AGBL4: variants seen among roughly 807,000 people sequenced by gnomAD.
AGBL4 encodes AGBL carboxypeptidase 4.
Under a neutral mutation model 66.4 loss-of-function variants are expected in AGBL4, and 58 were observed. The ratio of observed to expected loss-of-function variants is 0.87; its 90% CI spans 0.71 to 1.09. AGBL4 has a LOEUF of 1.09. AGBL4 is among the 50% of genes least tolerant of loss of function. AGBL4 has a pLI of 0.00. For missense variants in AGBL4, 579 were observed against 631.0 expected (o/e 0.92, Z 0.88); for synonymous variants, 234 against 222.9 (o/e 1.05, Z -0.44).
At chr1:49,042,876 T>G (rs1233889997) in intron 5 of AGBL4, among the ~76,000 whole-genome samples, 2 of 152,208 alleles carry the variant, frequency 1.3e-5, no homozygotes, top group African/African-American at 4.8e-5. Flanking sequence ...CTCTTCACAC[T>G]GCTTCCAGAC....
chr1:48,582,929 G>A (rs1016233114), intron 11 of AGBL4, among the ~76,000 whole-genome samples: 1 of 152,194 alleles, frequency 6.6e-6, no homozygotes, highest in African/African-American at 2.4e-5. Context: ...TCTGGTCTGT[G>A]GAGCGGCGGA....
chr1:49,268,208 G>C (rs1254745693), intron 3 of AGBL4: 1 of 152,062 alleles, frequency 6.6e-6, no homozygotes, highest in Non-Finnish European at 1.5e-5. Flanking sequence ...CTCACTTCAT[G>C]TTTCCCCTGC....
rs1054877786 is a variant in AGBL4 at position 49,191,288 on chromosome 1, G to C, written c.377+54482C>G. Among the ~76,000 whole-genome samples the C allele has an allele frequency of 3.9e-5, 6 of 152,094 alleles. No homozygotes were observed. The East Asian group carries it at 1.2e-3, about 29-fold the overall frequency. On this transcript the variant is annotated intron_variant, in intron 4 of 13. Coordinates refer to ENST00000371839, the MANE Select transcript of AGBL4 (RefSeq NM_032785.4). ...TTCCTCCAGATTCTCCCACCACACC[G>C]TGTACTTCTCCAATTATATCACCTA...
At chr1:49,508,304 T>A (rs1648881662) in intron 3 of AGBL4, among the ~76,000 whole-genome samples, 3 of 151,936 alleles carry the variant, frequency 2.0e-5, no homozygotes, top group African/African-American at 7.2e-5. Context: ...AAGTTCCAGA[T>A]AAATGAGAAG....
intron 12 of AGBL4, among the ~76,000 whole-genome samples, chr1:48,535,124 G>C (rs1456611856): frequency 6.6e-6 from 1 of 152,096 alleles, no homozygotes; most frequent in Non-Finnish European, 1.5e-5. Context: ...AGTGGCAAGG[G>C]GATAAGTTGT....
chr1:49,731,416 ATGT>A (rs1649439487), intron 2 of AGBL4, among the ~76,000 whole-genome samples: 2 of 152,216 alleles, frequency 1.3e-5, no homozygotes, highest in Non-Finnish European at 2.9e-5. Flanking sequence ...TTATTTATTT[ATGT>A]TGTTAGTTTA....
At chr1:48,841,275 A>T (rs1388742031) in intron 6 of AGBL4, among the ~76,000 whole-genome samples, 1 of 152,108 alleles carries the variant, frequency 6.6e-6, no homozygotes, top group Admixed American at 6.6e-5. Context: ...ATAAAAAATG[A>T]CATAAAATAA....
intron 2 of AGBL4, among the ~76,000 whole-genome samples, chr1:49,778,304 A>C (rs1382207930): frequency 6.6e-6 from 1 of 152,176 alleles, no homozygotes; most frequent in Admixed American, 6.5e-5. Flanking sequence ...GGTGTCACAC[A>C]GGCCACTCTC....
At chr1:49,405,047 C>T (rs566459005) in intron 3 of AGBL4, among the ~76,000 whole-genome samples, 192 of 152,164 alleles carry the variant, frequency 1.3e-3, no homozygotes, top group Non-Finnish European at 2.3e-3. Context: ...GAATGCTCAA[C>T]TTCCCTTTTG....
chr1:49,940,248 T>C (rs1443837198), intron 1 of AGBL4, among the ~76,000 whole-genome samples: 1 of 152,234 alleles, frequency 6.6e-6, no homozygotes, highest in Non-Finnish European at 1.5e-5. Flanking sequence ...TTTTACACTG[T>C]TGGTGGGACT....
At chr1:49,275,303 C>T (rs1644146166) in intron 3 of AGBL4, among the ~76,000 whole-genome samples, 5 of 152,042 alleles carry the variant, frequency 3.3e-5, no homozygotes, top group Admixed American at 3.3e-4. Flanking sequence ...TTCTGACAGG[C>T]CCATGCACCC....
At chr1:48,936,446 C>T (rs1043797529) in intron 5 of AGBL4, among the ~76,000 whole-genome samples, 1 of 152,114 alleles carries the variant, frequency 6.6e-6, no homozygotes, top group Non-Finnish European at 1.5e-5. Flanking sequence ...CCAAAAGAGA[C>T]ATGAAAAGCC....
intron 4 of AGBL4, among the ~76,000 whole-genome samples, chr1:49,219,043 G>T (rs1243755651): frequency 1.3e-5 from 2 of 152,034 alleles, no homozygotes; most frequent in Admixed American, 6.6e-5. Context: ...GTCTCTATCA[G>T]CAGCATTGGA....
intron 9 of AGBL4, among the ~76,000 whole-genome samples, chr1:48,620,668 A>G (rs1329380229): frequency 6.6e-6 from 1 of 152,222 alleles, no homozygotes; most frequent in African/African-American, 2.4e-5. Flanking sequence ...TGATAATGAA[A>G]TATTATTCAG....
chr1:49,555,157 A>G (rs1653321727), intron 3 of AGBL4, among the ~76,000 whole-genome samples: 1 of 152,058 alleles, frequency 6.6e-6, no homozygotes, highest in Admixed American at 6.5e-5. Flanking sequence ...TGATTGGCCC[A>G]TTTTACAAAG....
intron 6 of AGBL4, among the ~76,000 whole-genome samples, chr1:48,670,698 G>A (rs1646262963): frequency 1.3e-5 from 2 of 152,222 alleles, no homozygotes; most frequent in Admixed American, 1.3e-4. Flanking sequence ...TGGCAGGATA[G>A]ATAAATAGGG....
intron 1 of AGBL4, among the ~76,000 whole-genome samples, chr1:50,014,536 C>CTTTTTTTT (rs886696766): frequency 9.2e-6 from 1 of 109,028 alleles, no homozygotes; most frequent in African/African-American, 3.5e-5. Flanking sequence ...CAGAGGATTT[C>CTTTTTTTT]TTTTTTTTTT....
At chr1:49,194,960 T>C (rs1317464187) in intron 4 of AGBL4, among the ~76,000 whole-genome samples, 1 of 151,824 alleles carries the variant, frequency 6.6e-6, no homozygotes, top group Non-Finnish European at 1.5e-5. Context: ...ACCTCAGCAA[T>C]GGAGTAGCTG....
chr1:49,413,450 A>G (rs6693294), intron 3 of AGBL4, among the ~76,000 whole-genome samples: 93,007 of 152,014 alleles, frequency 0.61, 29,165 homozygotes, highest in Middle Eastern at 0.69. Flanking sequence ...AGAATTGTAT[A>G]TAAATATGAA....
Sources: gnomAD v4.1 joint callset for allele counts (sites outside exome capture counted in the v4.1 genomes callset) on GRCh38, gnomAD v4.1.1 for gene constraint, MANE v1.5 for transcripts, NCBI Gene and HGNC (gene_info 2026-07-23, HGNC 2026-07-21) for gene names.